The following IL6R variants were observed in gnomAD, a reference collection of about 807,000 sequenced individuals.
IL6R encodes interleukin 6 receptor.
A neutral mutation model predicts 48.3 loss-of-function variants in IL6R; 38 were observed. The observed-to-expected ratio is 0.79, with a 90% CI of 0.61 to 1.03. The LOEUF (loss-of-function observed/expected upper bound fraction) is 1.03. IL6R is among the 50% of genes least tolerant of loss of function. The pLI is 0.00. For synonymous variants in IL6R, 264 were observed against 256.2 expected, an observed-to-expected ratio of 1.03 and a Z score of -0.29; for missense variants, 534 against 618.3, an observed-to-expected ratio of 0.86 and a Z score of 1.45.
chr1:154,409,422 C>T (rs929012177), intron 1 of IL6R, among the ~76,000 whole-genome samples: 15 of 152,170 alleles, frequency 9.9e-5, no homozygotes, highest in African/African-American at 3.6e-4. Context: ...GTCTTCAAGC[C>T]AGGCACATCT....
intron 9 of IL6R, among the ~76,000 whole-genome samples, chr1:154,462,460 G>A (rs6687597): frequency 0.67 from 101,706 of 150,962 alleles, 35,668 homozygotes; most frequent in East Asian, 0.83. Context: ...TGCAGCCTCC[G>A]CCTCCTGGGT....
At chr1:154,456,727 G>A (rs1006146934) in intron 9 of IL6R, among the ~76,000 whole-genome samples, 1 of 152,296 alleles carries the variant, frequency 6.6e-6, no homozygotes, top group Non-Finnish European at 1.5e-5. Context: ...GAGATGCCCC[G>A]AGAACCTCAA....
chr1:154,448,287 T>C (rs578177323), intron 7 of IL6R, 116 bp downstream of exon 7: 2 of 776,582 alleles, frequency 2.6e-6, no homozygotes, highest in Non-Finnish European at 4.6e-6. Context: ...AGAAATGTGG[T>C]CGTGGTGAGT....
intron 9 of IL6R, among the ~76,000 whole-genome samples, chr1:154,456,450 GCCCGCC>G (rs2149271049): frequency 6.6e-6 from 1 of 152,066 alleles, no homozygotes; most frequent in African/African-American, 2.4e-5. Context: ...CAGATGATCC[GCCCGCC>G]TCCGCCTCCC....
At chr1:154,439,987 C>T (rs1385351950) in intron 6 of IL6R, among the ~76,000 whole-genome samples, 1 of 152,154 alleles carries the variant, frequency 6.6e-6, no homozygotes, top group Non-Finnish European at 1.5e-5. Flanking sequence ...ACTGCAACCT[C>T]TGCCTCCCGG....
intron 3 of IL6R, among the ~76,000 whole-genome samples, chr1:154,434,054 C>T (rs1419971238): frequency 6.6e-6 from 1 of 151,908 alleles, no homozygotes; most frequent in African/African-American, 2.4e-5. Context: ...CAGAACCAGC[C>T]ACGTGTGATT....
intron 1 of IL6R, chr1:154,414,601 G>A: frequency 1.3e-6 from 1 of 760,806 alleles, no homozygotes; most frequent in Non-Finnish European, 2.3e-6. Flanking sequence ...GATGCACCCG[G>A]CCATCTCATC....
At chr1:154,416,109 T>G (rs989382260) in intron 1 of IL6R, among the ~76,000 whole-genome samples, 2 of 152,164 alleles carry the variant, frequency 1.3e-5, no homozygotes, top group African/African-American at 4.8e-5. Flanking sequence ...TCGCACTGTT[T>G]TAATTATGTA....
chr1:154,442,050 C>A (rs905461554), intron 6 of IL6R, among the ~76,000 whole-genome samples: 1 of 152,078 alleles, frequency 6.6e-6, no homozygotes, highest in Non-Finnish European at 1.5e-5. Flanking sequence ...AGAGTGGGAC[C>A]AGGGGCATCC....
At position 154,435,044 on chromosome 1, in the gene IL6R, G is replaced by A. The variant is rs112354168; in HGVS notation, c.695G>A (p.Arg232His). The stretch of plus-strand genomic sequence containing the variant: ...GTCACTGCCGTGGCCAGAAACCCCC[G>A]CTGGCTCAGTGTCACCTGGCAAGAC... ...ITVTAVARNP[R>H]WLSVTWQDPH... Residue 232 changes from arginine to histidine, a missense_variant, in exon 5 of 10, where the codon CGC becomes CAC. Physicochemically the swap from Arg to His is conservative, Grantham distance 29. Coordinates refer to ENST00000368485, the MANE Select transcript of IL6R (RefSeq NM_000565.4). 6.8e-6 allele frequency: 11 copies of A among 1,614,020 alleles called. No individual in the cohort carries two copies. The highest frequency in any genetic ancestry group is 2.2e-5 in the East Asian group (1 of 44,902).
In IL6R at chr1:154,405,533, G is replaced by T. The variant is rs879469212; in HGVS notation, c.-97G>T. On this transcript the variant is annotated 5_prime_UTR_variant, in exon 1 of 10. Coordinates refer to ENST00000368485, the MANE Select transcript of IL6R (RefSeq NM_000565.4). The surrounding 1 kb of genome is among the most constrained non-coding windows in gnomAD (Gnocchi z 5.2). ...CCCCGGGGCCTGAGCCCGCCTGCCC[G>T]CCCACCGCCCCGCCCCGCCCCTGCC... is the stretch of plus-strand genomic sequence containing the variant. 2 of 42,448 alleles carry T rather than the reference G, an allele frequency of 4.7e-5. No individual in the cohort carries two copies. Among genetic ancestry groups the T allele is most frequent in the South Asian group, 1.9e-4 (1 of 5,182 alleles). 2.6% of individuals were successfully genotyped at this position (42,448 alleles called of 1,614,324 possible). A position where few individuals can be genotyped will look rare whatever the true frequency, so the allele number is the denominator to read the frequency against.
intron 1 of IL6R, among the ~76,000 whole-genome samples, chr1:154,417,966 C>G (rs1474816069): frequency 6.6e-6 from 1 of 152,178 alleles, no homozygotes; most frequent in East Asian, 1.9e-4. Context: ...AACTCCTGAC[C>G]TTGTGATCCG....
chr1:154,431,978 C>T (rs116037345), intron 3 of IL6R, among the ~76,000 whole-genome samples: 3,358 of 152,206 alleles, frequency 0.022, 65 homozygotes, highest in Middle Eastern at 0.048. Flanking sequence ...CCACAGGTAG[C>T]CGAAATCTTG....
Position 154,414,570 on chromosome 1 carries a change from G to A in IL6R, c.85+8856G>A, listed in dbSNP as rs1688222509. On this transcript the variant is annotated intron_variant, in intron 1 of 9. Transcript: ENST00000368485. ...AGGATCTGGTGGCCTCGGTAAAAGG[G>A]ATTTTCTCATAGGCTTTCTTGATGC... The A allele has an allele frequency of 6.7e-6, 5 of 748,360 alleles. No individual in the cohort carries two copies. The East Asian group carries it at 1.4e-4, about 22-fold the overall frequency. The allele number at this position is 748,360 out of a possible 1,614,324, so 46.4% of individuals were successfully genotyped here.
chr1:154,415,153 G>T, intron 1 of IL6R: 1 of 831,582 alleles, frequency 1.2e-6, no homozygotes, highest in South Asian at 1.4e-5. Context: ...TCAGCCTGCA[G>T]GACAGGGCCC....
chr1:154,440,364 G>A (rs112885899), intron 6 of IL6R, among the ~76,000 whole-genome samples: 5 of 152,266 alleles, frequency 3.3e-5, no homozygotes, highest in African/African-American at 1.2e-4. Flanking sequence ...CTATGAACAC[G>A]GGTGTAAAAT....
chr1:154,432,426 C>T (rs930327832), intron 3 of IL6R, among the ~76,000 whole-genome samples: 24 of 149,590 alleles, frequency 1.6e-4, no homozygotes, highest in Non-Finnish European at 2.1e-4. Context: ...GGTGGGATCT[C>T]GGCTCACTGC....
intron 1 of IL6R, among the ~76,000 whole-genome samples, chr1:154,410,614 A>G (rs1296910162): frequency 6.6e-6 from 1 of 152,180 alleles, no homozygotes; most frequent in Non-Finnish European, 1.5e-5. Context: ...GGATCTGAAG[A>G]GGTCAAAAGT....
At position 154,454,470 on chromosome 1, in the gene IL6R, A is replaced by ATT; in HGVS notation, c.1067-9_1067-8dup. 9 of 1,345,994 alleles carry ATT rather than the reference A, an allele frequency of 6.7e-6. No individual in the cohort carries two copies. Among genetic ancestry groups the ATT allele is most frequent in the African/African-American group, 1.4e-5 (1 of 69,698 alleles). The allele number at this position is 1,345,994 out of a possible 1,614,324, so 83.4% of individuals were successfully genotyped here. On this transcript the variant is annotated splice_polypyrimidine_tract_variant and intron_variant, in intron 8 of 9. Transcript: ENST00000368485. Reference sequence around the variant, plus strand: ...TTCTCCTCTTCCTCCTCTATCTTCAATTTTTTTTTTAACCTAGTGCAAGAT... The same window carrying ATT: ...TTCTCCTCTTCCTCCTCTATCTTCAATTTTTTTTTTTTAACCTAGTGCAAGAT...
Sources: allele counts gnomAD v4.1 joint callset (sites outside exome capture counted in the v4.1 genomes callset), GRCh38; gene constraint gnomAD v4.1.1; non-coding constraint Gnocchi (gnomAD v3.1); transcripts MANE v1.5; gene names NCBI Gene and HGNC (gene_info 2026-07-23, HGNC 2026-07-21).